The following NACC2 variants were observed in gnomAD, a reference collection of about 807,000 sequenced individuals.
NACC2 encodes nucleus accumbens-associated protein 2.
In NACC2, 8 loss-of-function variants were observed where a neutral mutation model predicts 25.1. That is an observed-to-expected ratio of 0.32 (90% CI 0.19 to 0.57). The LOEUF (loss-of-function observed/expected upper bound fraction) is 0.57, where lower values mean the gene tolerates loss of function less well. NACC2 is among the 20% of genes least tolerant of loss of function. The pLI is 0.89. For missense variants in NACC2, 644 were observed against 650.2 expected, an observed-to-expected ratio of 0.99 and a Z score of 0.10; for synonymous variants, 435 against 294.7, an observed-to-expected ratio of 1.48 and a Z score of -4.88.
At chr9:136,053,414 G>A (rs1299921781) in intron 1 of NACC2, among the ~76,000 whole-genome samples, 2 of 152,192 alleles carry the variant, frequency 1.3e-5, no homozygotes, top group African/African-American at 2.4e-5. Flanking sequence ...CTGGGATGGG[G>A]GCGTTTACAG....
intron 2 of NACC2, among the ~76,000 whole-genome samples, chr9:136,045,780 C>T (rs955041341): frequency 3.9e-4 from 60 of 152,306 alleles, no homozygotes; most frequent in African/African-American, 1.4e-3. Flanking sequence ...GTCATCTGCC[C>T]TGGGGTAAAA....
chr9:136,049,217 G>A (rs1168738992), intron 2 of NACC2, among the ~76,000 whole-genome samples: 1 of 152,222 alleles, frequency 6.6e-6, no homozygotes, highest in East Asian at 1.9e-4. Context: ...CTGGAGAGGT[G>A]GTGGCAAAGG....
intron 2 of NACC2, among the ~76,000 whole-genome samples, chr9:136,043,547 G>A (rs1186789833): frequency 5.9e-5 from 9 of 152,316 alleles, no homozygotes; most frequent in South Asian, 4.1e-4. Context: ...GGCCTCATGC[G>A]TTCAACCACA....
At chr9:136,040,958 C>A (rs1840617756) in intron 2 of NACC2, among the ~76,000 whole-genome samples, 2 of 128,764 alleles carry the variant, frequency 1.6e-5, no homozygotes, top group South Asian at 4.7e-4. Flanking sequence ...GAGAGTGAGA[C>A]CCTGGAAAGA....
rs1005708337 is a variant in NACC2 at position 136,018,028 on chromosome 9, G to A, written c.887-1599C>T. ...GGAAGTCCCCCGGTGGGGGGCGGGG[G>A]GCAGCTTGCAGGACCTGCTGGTCTC... On this transcript the variant is annotated intron_variant, in intron 2 of 5. Transcript: ENST00000277554. The surrounding 1 kb of genome is among the most constrained non-coding windows in gnomAD (Gnocchi z 4.4). Among the ~76,000 whole-genome samples, 2 of 152,136 alleles carry A rather than the reference G, an allele frequency of 1.3e-5. No homozygotes were observed. Among genetic ancestry groups the A allele is most frequent in the Non-Finnish European group, 2.9e-5 (2 of 67,994 alleles).
chr9:136,040,151 C>T (rs1840606718), intron 2 of NACC2, among the ~76,000 whole-genome samples: 1 of 152,060 alleles, frequency 6.6e-6, no homozygotes, highest in Non-Finnish European at 1.5e-5. Context: ...TGAGACCATC[C>T]TGGCTAACAT....
At chr9:136,050,736 G>A (rs1279814869) in intron 1 of NACC2, among the ~76,000 whole-genome samples, 156 bp from the exon 2 acceptor site, 2 of 152,102 alleles carry the variant, frequency 1.3e-5, no homozygotes, top group Non-Finnish European at 2.9e-5. Context: ...ACACTCCAGA[G>A]AAGGGACACG....
intron 1 of NACC2, among the ~76,000 whole-genome samples, chr9:136,058,864 T>C (rs891925877): frequency 2.6e-5 from 4 of 152,206 alleles, no homozygotes; most frequent in African/African-American, 9.6e-5. Flanking sequence ...GCTCAAGCCA[T>C]GGAGGGGACG....
chr9:136,020,909 C>G lies in NACC2; in HGVS notation c.887-4480G>C, dbSNP rs942640055. Among the ~76,000 whole-genome samples, 1 of 152,154 alleles carries G rather than the reference C, an allele frequency of 6.6e-6. No individual in the cohort carries two copies. Among genetic ancestry groups the G allele is most frequent in the Non-Finnish European group, 1.5e-5 (1 of 68,036 alleles). On this transcript the variant is annotated intron_variant, in intron 2 of 5. Transcript: ENST00000277554. The surrounding 1 kb of genome is among the most constrained non-coding windows in gnomAD (Gnocchi z 4.7). ...GGCCATCCGCACCCACACGTGGCAC[C>G]AAAACCACCCTCCGTCTCAGCCTCG...
At chr9:136,076,096 T>C (rs1267772130) in intron 1 of NACC2, among the ~76,000 whole-genome samples, 1 of 152,194 alleles carries the variant, frequency 6.6e-6, no homozygotes. Flanking sequence ...CAGGCACCCT[T>C]CGCGGCCTCT....
At chr9:136,079,271 T>C (rs1007072360) in intron 1 of NACC2, among the ~76,000 whole-genome samples, 2 of 152,142 alleles carry the variant, frequency 1.3e-5, no homozygotes, top group African/African-American at 4.8e-5. Flanking sequence ...GGCAGGGCAC[T>C]TGCCCAGAGT....
chr9:136,033,939 GTGAGA>G (rs1840513901), intron 2 of NACC2, among the ~76,000 whole-genome samples: 2 of 149,592 alleles, frequency 1.3e-5, no homozygotes, highest in Non-Finnish European at 3.0e-5. Flanking sequence ...GTGTGTGTGT[GTGAGA>G]TATTTGGCAA....
At chr9:136,069,742 A>G (rs925356133) in intron 1 of NACC2, among the ~76,000 whole-genome samples, 2 of 151,910 alleles carry the variant, frequency 1.3e-5, no homozygotes, top group Admixed American at 6.5e-5. Flanking sequence ...AGGACGTGAC[A>G]TAATAATTAA....
At chr9:136,067,641 T>TC (rs539888871) in intron 1 of NACC2, among the ~76,000 whole-genome samples, 2 of 152,230 alleles carry the variant, frequency 1.3e-5, no homozygotes, top group South Asian at 2.1e-4. Flanking sequence ...ATCGAGACCA[T>TC]CTGGCCAACA....
chr9:136,074,129 T>C (rs886452581), intron 1 of NACC2, among the ~76,000 whole-genome samples: 3 of 151,688 alleles, frequency 2.0e-5, no homozygotes, highest in African/African-American at 7.3e-5. Flanking sequence ...GGTAAGATTA[T>C]AGTCTCCACA....
chr9:136,029,627 T>C (rs1840444298), intron 2 of NACC2, among the ~76,000 whole-genome samples: 1 of 152,176 alleles, frequency 6.6e-6, no homozygotes, highest in African/African-American at 2.4e-5. Context: ...GACACCTTCT[T>C]TGGGGCTCTG....
Position 136,041,060 on chromosome 9 carries a change from A to AAAGG in NACC2, c.886+8572_886+8575dup, listed in dbSNP as rs1281679324. Among the ~76,000 whole-genome samples the AAAGG allele has an allele frequency of 8.7e-3, 1,288 of 148,800 alleles. 20 individuals carry two copies. Among genetic ancestry groups the AAAGG allele is most frequent in the African/African-American group, 0.03 (1,194 of 40,342 alleles). Reference sequence around the variant, plus strand: ...AAGAAAAGGAAGGAAGGAAGGAAGGAAAGGAAGGAAGGAAGGAAAGGAAGG... The same window carrying AAAGG: ...AAGAAAAGGAAGGAAGGAAGGAAGGAAAGGAAGGAAGGAAGGAAGGAAAGGAAGG... On this transcript the variant is annotated intron_variant, in intron 2 of 5. Transcript: ENST00000277554.
chr9:136,054,754 G>T (rs1840899582), intron 1 of NACC2, among the ~76,000 whole-genome samples: 1 of 152,072 alleles, frequency 6.6e-6, no homozygotes, highest in South Asian at 2.1e-4. Flanking sequence ...CCTTCTCGGT[G>T]AGATTCAACA....
chr9:136,015,983 C>T (rs371520638), intron 3 of NACC2, among the ~76,000 whole-genome samples: 6 of 152,276 alleles, frequency 3.9e-5, no homozygotes, highest in Admixed American at 2.6e-4. Context: ...GGCAACTATA[C>T]GTGACATGGT....
Sources: allele counts gnomAD v4.1 joint callset (sites outside exome capture counted in the v4.1 genomes callset), GRCh38; gene constraint gnomAD v4.1.1; non-coding constraint Gnocchi (gnomAD v3.1); transcripts MANE v1.5; gene names NCBI Gene and HGNC (gene_info 2026-07-23, HGNC 2026-07-21).